The following SLF1 variants were observed in gnomAD, a reference collection of about 807,000 sequenced individuals.
SLF1 encodes the protein SMC5/6 complex localization factor 1.
Under a neutral mutation model 123.0 loss-of-function variants are expected in SLF1, and 105 were observed. The ratio of observed to expected loss-of-function variants is 0.85; its 90% CI spans 0.73 to 1.00. The LOEUF (loss-of-function observed/expected upper bound fraction) is 1.00. Among genes scored for constraint, SLF1 ranks in the 50% least tolerant of loss-of-function variants. The pLI is 0.00. For synonymous variants in SLF1, 434 were observed against 406.6 expected (o/e 1.07, Z -0.81); for missense variants, 1,239 against 1,223.0 (o/e 1.01, Z -0.20).
intron 14 of SLF1, among the ~76,000 whole-genome samples, chr5:94,677,413 A>G (rs1751204981): frequency 6.6e-6 from 1 of 152,138 alleles, no homozygotes; most frequent in Non-Finnish European, 1.5e-5. Flanking sequence ...GTTATTAGTA[A>G]TATTAGATCT....
intron 14 of SLF1, among the ~76,000 whole-genome samples, chr5:94,676,130 G>A (rs955772892): frequency 2.6e-5 from 4 of 152,028 alleles, no homozygotes; most frequent in African/African-American, 9.7e-5. Flanking sequence ...TACTGTCACT[G>A]CTGATATTCA....
chr5:94,622,999 A>G (rs1230130840), intron 1 of SLF1, among the ~76,000 whole-genome samples: 1 of 152,096 alleles, frequency 6.6e-6, no homozygotes, highest in African/African-American at 2.4e-5. Flanking sequence ...AGACTTTTGT[A>G]TTCATATCTG....
At chr5:94,631,977 T>A (rs1166214690) in intron 4 of SLF1, among the ~76,000 whole-genome samples, 2 of 127,008 alleles carry the variant, frequency 1.6e-5, no homozygotes, top group East Asian at 8.9e-4. Context: ...TTTCTTTTTT[T>A]TTTTTTTTTT....
At chr5:94,663,196 G>A (rs1749335314) in intron 10 of SLF1, among the ~76,000 whole-genome samples, 1 of 152,136 alleles carries the variant, frequency 6.6e-6, no homozygotes, top group African/African-American at 2.4e-5. Context: ...TTTTCTTTTA[G>A]AGGTAGTATT....
intron 20 of SLF1, 87 bp from the exon 21 acceptor site, chr5:94,694,744 G>C: frequency 6.9e-7 from 1 of 1,452,288 alleles, no homozygotes; most frequent in Non-Finnish European, 9.2e-7. Context: ...GAAAGCACTG[G>C]ATGCTTTGGG....
chr5:94,643,436 G>A lies in SLF1; in HGVS notation c.594+1G>A. 8 of 1,428,938 alleles carry A rather than the reference G, an allele frequency of 5.6e-6. No individual in the cohort carries two copies. The highest frequency in any genetic ancestry group is 7.4e-6 in the Non-Finnish European group (8 of 1,076,608). The allele number at this position is 1,428,938 out of a possible 1,614,324, so 88.5% of individuals were successfully genotyped here. A position where few individuals can be genotyped will look rare whatever the true frequency, so the allele number is the denominator to read the frequency against. ...GTATCTAGGGGATTTTCTTTTAGAG[G>A]TAAGTAAAATAAATAGTAAACATTT... On this transcript the variant is annotated splice_donor_variant, in intron 5 of 20. Coordinates refer to ENST00000265140, the MANE Select transcript of SLF1 (RefSeq NM_032290.4). LOFTEE classifies it high-confidence loss of function.
At chr5:94,674,209 T>C (rs982123543) in intron 14 of SLF1, among the ~76,000 whole-genome samples, 1 of 152,204 alleles carries the variant, frequency 6.6e-6, no homozygotes, top group Non-Finnish European at 1.5e-5. Flanking sequence ...TCATTTATAA[T>C]TTAAAACAAT....
intron 1 of SLF1, among the ~76,000 whole-genome samples, chr5:94,622,209 A>G (rs970091400): frequency 2.0e-5 from 3 of 152,354 alleles, no homozygotes; most frequent in African/African-American, 7.2e-5. Context: ...TTTCCCAGTT[A>G]AATGTTTTGA....
At chr5:94,654,795 T>C (rs1396885857) in intron 9 of SLF1, 43 bp downstream of exon 9, 2 of 1,387,526 alleles carry the variant, frequency 1.4e-6, no homozygotes, top group Non-Finnish European at 9.5e-7. Context: ...TATCGTGTCT[T>C]ACTGTAGTGT....
At chr5:94,638,639 G>C (rs951551009) in intron 4 of SLF1, among the ~76,000 whole-genome samples, 2 of 152,194 alleles carry the variant, frequency 1.3e-5, no homozygotes, top group African/African-American at 4.8e-5. Context: ...TAGTAACCGT[G>C]AGCCCTGGAG....
chr5:94,663,778 T>A lies in SLF1; in HGVS notation c.1238T>A (p.Val413Glu). The change falls in exon 11 of 21, where the codon GTA (valine) becomes GAA (glutamate). Residue 413 changes from valine (V) to glutamate (E), a missense_variant. Val to Glu is a moderately radical substitution (Grantham distance 121). Coordinates refer to ENST00000265140, the MANE Select transcript of SLF1 (RefSeq NM_032290.4). ...AAAAATGCTGAATTTCCCAGAGGTG[T>A]ATTAAATTTAATTGAAAGCCTCATA... is the stretch of plus-strand genomic sequence containing the variant. ...EVKNAEFPRG[V>E]LNLIESLIEG... The A allele has an allele frequency of 6.5e-7, 1 of 1,545,516 alleles. No homozygotes were observed. The highest frequency in any genetic ancestry group is 2.4e-5 in the East Asian group (1 of 40,830).
intron 13 of SLF1, 134 bp from the exon 14 acceptor site, chr5:94,670,709 A>T (rs1245519180): frequency 3.1e-6 from 2 of 655,192 alleles, no homozygotes; most frequent in Admixed American, 3.0e-5. Context: ...GTCCTTTATT[A>T]TAATTGTTAT....
At chr5:94,661,994 T>C (rs894356797) in intron 9 of SLF1, among the ~76,000 whole-genome samples, 1 of 152,188 alleles carries the variant, frequency 6.6e-6, no homozygotes, top group Non-Finnish European at 1.5e-5. Context: ...CTGTACAAAA[T>C]GCTCTCCCCA....
intron 5 of SLF1, among the ~76,000 whole-genome samples, chr5:94,647,559 AG>A (rs11335852): frequency 0.31 from 47,210 of 152,066 alleles, 7,673 homozygotes; most frequent in African/African-American, 0.38. Flanking sequence ...GTTATCCTTT[AG>A]TGCATAGCAC....
intron 3 of SLF1, chr5:94,629,601 T>C (rs1287839336): frequency 1.3e-5 from 2 of 153,034 alleles, no homozygotes; most frequent in Non-Finnish European, 2.9e-5. Flanking sequence ...TTTTCTAAGA[T>C]ATTAAATACT....
intron 6 of SLF1, among the ~76,000 whole-genome samples, chr5:94,649,926 C>G (rs1463412314): frequency 1.3e-5 from 2 of 151,936 alleles, no homozygotes; most frequent in Non-Finnish European, 2.9e-5. Context: ...ATTTTTCTTA[C>G]CTGAGAGCAC....
chr5:94,658,884 A>G (rs1027415844), intron 9 of SLF1, among the ~76,000 whole-genome samples: 1 of 148,456 alleles, frequency 6.7e-6, no homozygotes, highest in Non-Finnish European at 1.5e-5. Flanking sequence ...TGCTTGATCT[A>G]GTCTATTGCT....
chr5:94,694,804 G>A, intron 20 of SLF1, 27 bp from the exon 21 acceptor site: 1 of 1,523,240 alleles, frequency 6.6e-7, no homozygotes, highest in Non-Finnish European at 8.8e-7. Flanking sequence ...TGTTTTACTT[G>A]CAACATTTTG....
chr5:94,684,470 G>A (rs1405697616), intron 15 of SLF1, among the ~76,000 whole-genome samples: 1 of 151,974 alleles, frequency 6.6e-6, no homozygotes, highest in Non-Finnish European at 1.5e-5. Flanking sequence ...AGGCCAAGGC[G>A]GGCAGATCAC....
Sources: gnomAD v4.1 joint callset for allele counts (sites outside exome capture counted in the v4.1 genomes callset) on GRCh38, gnomAD v4.1.1 for gene constraint, MANE v1.5 for transcripts, NCBI Gene and HGNC (gene_info 2026-07-23, HGNC 2026-07-21) for gene names.